SERTAD2: variants seen among roughly 807,000 people sequenced by gnomAD.
SERTAD2 encodes SERTA domain containing 2, also known as SERTA domain-containing protein 2.
In SERTAD2, 2 loss-of-function variants were observed where a neutral mutation model predicts 15.4. The ratio of observed to expected loss-of-function variants is 0.13; its 90% confidence interval spans 0.05 to 0.41. The LOEUF is 0.41. Ranked by LOEUF, SERTAD2 falls within the 10% of genes least tolerant of loss-of-function variation. The probability of loss-of-function intolerance (pLI) is 0.99; values close to 1 mark genes in which losing one functional copy is unlikely to be tolerated. For synonymous variants in SERTAD2, 180 were observed against 178.0 expected, an observed-to-expected ratio of 1.01 and a Z score of -0.09; for missense variants, 333 against 409.7, an observed-to-expected ratio of 0.81 and a Z score of 1.62.
chr2:64,636,489 G>T lies in SERTAD2; in HGVS notation c.383C>A (p.Ala128Asp). 1.2e-6 allele frequency: 2 copies of T among 1,612,932 alleles called. No individual in the cohort carries two copies. Among genetic ancestry groups the T allele is most frequent in the Non-Finnish European group, 1.7e-6 (2 of 1,179,240 alleles). Residue 128 changes from alanine to aspartate, a missense_variant, in exon 2 of 2, where the codon GCC becomes GAC. Physicochemically the swap from Ala to Asp is moderately radical, Grantham distance 126 (BLOSUM62 -2). Transcript: ENST00000313349. ...GAGCAGTGAGGCCGGGGTGAGGCAG[G>T]CCTCCAGGGGCGTAGTGCTTCCGAG... ...CDLGSTTPLE[A>D]CLTPASLLED...
At chr2:64,643,156 C>CA (rs1321123424) in intron 1 of SERTAD2, among the ~76,000 whole-genome samples, 1 of 152,234 alleles carries the variant, frequency 6.6e-6, no homozygotes, top group African/African-American at 2.4e-5. Flanking sequence ...ACGGGGAACT[C>CA]AGGAAAGCAT....
chr2:64,650,719 C>T (rs1423089755), intron 1 of SERTAD2, among the ~76,000 whole-genome samples: 1 of 152,134 alleles, frequency 6.6e-6, no homozygotes, highest in East Asian at 1.9e-4. Flanking sequence ...CTACCAATTG[C>T]TTAATGAGTA....
chr2:64,641,694 G>T (rs1674781728), intron 1 of SERTAD2, among the ~76,000 whole-genome samples: 1 of 152,156 alleles, frequency 6.6e-6, no homozygotes, highest in Non-Finnish European at 1.5e-5. Context: ...TGGGAGGGAG[G>T]GTCTGAGGAA....
intron 1 of SERTAD2, among the ~76,000 whole-genome samples, chr2:64,650,686 C>T (rs774695432): frequency 6.6e-6 from 1 of 152,160 alleles, no homozygotes; most frequent in Non-Finnish European, 1.5e-5. Context: ...ATTTCTTAAA[C>T]AGGAGTCCTG....
chr2:64,635,897 G>C lies in SERTAD2; in HGVS notation c.*30C>G, dbSNP rs770100651. On this transcript the variant is annotated 3_prime_UTR_variant, in exon 2 of 2. Transcript: ENST00000313349. ...GGGTTATGGGAACGCTCTGGGGTCT[G>C]GGTGGGCATAGTCGCTGGGTCCCTG... 6.5e-7 allele frequency: 1 copy of C among 1,531,890 alleles called. No individual in the cohort carries two copies. The highest frequency in any genetic ancestry group is 1.4e-5 in the African/African-American group (1 of 73,014). The allele number at this position is 1,531,890 out of a possible 1,614,324, so 94.9% of individuals were successfully genotyped here.
At chr2:64,653,143 G>A (rs975268200) in intron 1 of SERTAD2, among the ~76,000 whole-genome samples, 6 of 152,266 alleles carry the variant, frequency 3.9e-5, no homozygotes, top group African/African-American at 9.6e-5. Context: ...AAAAAACACC[G>A]GGAAATTCAC....
At chr2:64,637,142 C>T (rs1292744349) in intron 1 of SERTAD2, among the ~76,000 whole-genome samples, 1 of 152,198 alleles carries the variant, frequency 6.6e-6, no homozygotes, top group African/African-American at 2.4e-5. Context: ...GTGTACGACA[C>T]AGACAAGTTA....
intron 1 of SERTAD2, among the ~76,000 whole-genome samples, chr2:64,651,323 C>T (rs150818549): frequency 2.7e-3 from 407 of 152,222 alleles, no homozygotes; most frequent in Non-Finnish European, 4.6e-3. Context: ...TAATTGGACA[C>T]TGATAATAAA....
Position 64,636,386 on chromosome 2 carries a change from G to T in SERTAD2, c.486C>A (p.Leu162=). 1 of 1,614,208 alleles carries T rather than the reference G, an allele frequency of 6.2e-7. No individual in the cohort carries two copies. Among genetic ancestry groups the T allele is most frequent in the East Asian group, 2.2e-5 (1 of 44,882 alleles). The change falls in exon 2 of 2, where the codon CTC becomes CTA. Residue 162 remains leucine (L), a synonymous_variant. Coordinates refer to ENST00000313349, the MANE Select transcript of SERTAD2 (RefSeq NM_014755.3). ...AGGAGAAACTGTCCTTTTCTGGCAAGAGGGCTGGAGGTGACAGTTTGGTGG... is the reference window on the plus strand; with the variant it reads ...AGGAGAAACTGTCCTTTTCTGGCAATAGGGCTGGAGGTGACAGTTTGGTGG... ...TAPTKLSPPA[L]LPEKDSFSSA...
At chr2:64,640,691 C>T (rs1345046778) in intron 1 of SERTAD2, among the ~76,000 whole-genome samples, 1 of 152,134 alleles carries the variant, frequency 6.6e-6, no homozygotes, top group Non-Finnish European at 1.5e-5. Flanking sequence ...GACCCATTGG[C>T]TTCCTAGGTC....
intron 1 of SERTAD2, 111 bp from the exon 2 acceptor site, chr2:64,636,986 G>A (rs1242617622): frequency 1.4e-6 from 1 of 725,846 alleles, no homozygotes; most frequent in African/African-American, 1.8e-5. Context: ...TCCTGCCCAG[G>A]GTTATTTACA....
intron 1 of SERTAD2, among the ~76,000 whole-genome samples, chr2:64,650,196 G>T (rs185199953): frequency 6.6e-6 from 1 of 152,106 alleles, no homozygotes; most frequent in African/African-American, 2.4e-5. Context: ...GAGAGTTTGC[G>T]CTGTCTATAT....
At chr2:64,644,118 A>T (rs1305093941) in intron 1 of SERTAD2, among the ~76,000 whole-genome samples, 1 of 152,230 alleles carries the variant, frequency 6.6e-6, no homozygotes, top group Non-Finnish European at 1.5e-5. Flanking sequence ...GAAGGCTGGC[A>T]GCGGTCCTTC....
rs1486602238 is a variant in SERTAD2 at position 64,633,380 on chromosome 2, C to T, written c.*2547G>A. On this transcript the variant is annotated 3_prime_UTR_variant, in exon 2 of 2. Coordinates refer to ENST00000313349, the MANE Select transcript of SERTAD2 (RefSeq NM_014755.3). ...CAAGTTTGGGCAACACTTCTCCGTG[C>T]TTATTTGAACTGTTGCCCAACATAT... is the stretch of plus-strand genomic sequence containing the variant. 1 of 152,202 alleles carries T rather than the reference C, an allele frequency of 6.6e-6. No homozygotes were observed. Among genetic ancestry groups the T allele is most frequent in the Non-Finnish European group, 1.5e-5 (1 of 68,024 alleles). The allele number at this position is 152,202 out of a possible 1,614,324, so 9.4% of individuals were successfully genotyped here.
intron 1 of SERTAD2, among the ~76,000 whole-genome samples, chr2:64,637,103 T>C (rs138481000): frequency 2.0e-5 from 3 of 152,314 alleles, no homozygotes; most frequent in East Asian, 3.9e-4. Context: ...TATCACTAGG[T>C]AGTCTGGTGA....
intron 1 of SERTAD2, among the ~76,000 whole-genome samples, chr2:64,639,481 T>C (rs1674725444): frequency 6.6e-6 from 1 of 152,248 alleles, no homozygotes; most frequent in South Asian, 2.1e-4. Flanking sequence ...TGAGAAGCAC[T>C]GTCCGTAAGT....
rs531781292 is a variant in SERTAD2 at position 64,646,077 on chromosome 2, CCTTAA to C, written c.-5+7538_-5+7542del. On this transcript the variant is annotated intron_variant, in intron 1 of 1. Coordinates refer to ENST00000313349, the MANE Select transcript of SERTAD2 (RefSeq NM_014755.3). ...TTGAGTAGAATTATACAGTTTCTAA[CCTTAA>C]CTTAACAAAAACATAATATGCTCTG... is the stretch of plus-strand genomic sequence containing the variant. Among the ~76,000 whole-genome samples the C allele has an allele frequency of 2.1e-3, 323 of 152,186 alleles. 1 individual carries two copies. Among genetic ancestry groups the C allele is most frequent in the African/African-American group, 5.9e-3 (246 of 41,514 alleles).
chr2:64,636,941 A>C lies in SERTAD2; in HGVS notation c.-4-66T>G, dbSNP rs372698649. ...AAGCTGATTTCTCCCATAAAAAAAG[A>C]GACTGATTTAGAGGGCAGGACTTGG... On this transcript the variant is annotated intron_variant, in intron 1 of 1. Coordinates refer to ENST00000313349, the MANE Select transcript of SERTAD2 (RefSeq NM_014755.3). 1.9e-5 allele frequency: 23 copies of C among 1,184,524 alleles called. No homozygotes were observed. In the East Asian group the frequency reaches 2.1e-4, roughly 11 times the overall value. 73.4% of individuals were successfully genotyped at this position (1,184,524 alleles called of 1,614,324 possible).
At position 64,634,701 on chromosome 2, in the gene SERTAD2, T is replaced by C; in HGVS notation, c.*1226A>G. 1 of 152,236 alleles carries C rather than the reference T, an allele frequency of 6.6e-6. No homozygotes were observed. The highest frequency in any genetic ancestry group is 1.9e-4 in the East Asian group (1 of 5,204). The allele number at this position is 152,236 out of a possible 1,614,324, so 9.4% of individuals were successfully genotyped here. A position where few individuals can be genotyped will look rare whatever the true frequency, so the allele number is the denominator to read the frequency against. On this transcript the variant is annotated 3_prime_UTR_variant, in exon 2 of 2. Transcript: ENST00000313349. ...ATGGATGCCTTCTGGGGAGATTTTCTTCTTTAAGGGCCCTAAGCATTGCAA... is the reference window on the plus strand; with the variant it reads ...ATGGATGCCTTCTGGGGAGATTTTCCTCTTTAAGGGCCCTAAGCATTGCAA...
Sources: gnomAD v4.1 joint callset for allele counts (sites outside exome capture counted in the v4.1 genomes callset) on GRCh38, gnomAD v4.1.1 for gene constraint, MANE v1.5 for transcripts, NCBI Gene and HGNC (gene_info 2026-07-23, HGNC 2026-07-21) for gene names.